DCHS2: variants seen among roughly 807,000 people sequenced by gnomAD.
DCHS2 encodes the protein protocadherin-23.
Under a neutral mutation model 182.4 loss-of-function variants are expected in DCHS2, and 142 were observed. The observed-to-expected ratio is 0.78, with a 90% CI of 0.68 to 0.89. The LOEUF is 0.89. Among genes scored for constraint, DCHS2 ranks in the 40% least tolerant of loss-of-function variants. DCHS2 has a pLI of 0.00. For synonymous variants in DCHS2, 1,740 were observed against 1,663.3 expected (o/e 1.05, Z -1.12); for missense variants, 4,319 against 4,198.6 (o/e 1.03, Z -0.79).
In DCHS2 at chr4:154,360,400, G is replaced by A. The variant is rs114339180; in HGVS notation, c.2476+5810C>T. 3.4e-3 allele frequency among the ~76,000 whole-genome samples: 520 copies of A among 152,158 alleles called. 4 individuals are homozygous for A. Among genetic ancestry groups the A allele is most frequent in the African/African-American group, 0.012 (493 of 41,534 alleles). ...TCTTTATAAGTCTGTGATCTGGTACGAGAAACCTAATGAAGAAATTCTCTA... is the reference window on the plus strand; with the variant it reads ...TCTTTATAAGTCTGTGATCTGGTACAAGAAACCTAATGAAGAAATTCTCTA... On this transcript the variant is annotated intron_variant, in intron 3 of 19. Transcript: ENST00000357232.
At chr4:154,429,192 A>G (rs1203934191) in intron 1 of DCHS2, among the ~76,000 whole-genome samples, 1 of 152,186 alleles carries the variant, frequency 6.6e-6, no homozygotes, top group African/African-American at 2.4e-5. Flanking sequence ...CTGGCATAGA[A>G]TGTGAGTGCC....
chr4:154,315,890 T>G lies in DCHS2; in HGVS notation c.5118A>C (p.Ser1706=), dbSNP rs1030943584. The change falls in exon 10 of 20, where the codon TCA becomes TCC. Residue 1706 remains serine, a synonymous_variant. Transcript: ENST00000357232. ...GAACAGTAACTGTCAAAGTCTGGGA[T>G]GAAGAAAGTGCTGGTGTGCCATCAT... The part of the protein sequence containing the change: ...ALDDGTPALS[S]SQTLTVTVLD... The G allele has an allele frequency of 4.3e-6, 7 of 1,613,884 alleles. No individual in the cohort carries two copies. Among genetic ancestry groups the G allele is most frequent in the South Asian group, 3.3e-5 (3 of 91,088 alleles).
rs1156292492 is a variant in DCHS2, at chr4:154,489,919, C to G, written c.1437G>C (p.Ala479=). The G allele has an allele frequency of 2.6e-6, 4 of 1,538,018 alleles. No individual in the cohort carries two copies. The highest frequency in any genetic ancestry group is 2.0e-5 in the Admixed American group (1 of 49,656). The change falls in exon 1 of 20, where the codon GCG becomes GCC. Residue 479 remains alanine, a synonymous_variant. Coordinates refer to ENST00000357232, the MANE Select transcript of DCHS2 (RefSeq NM_001358235.2). ...CCCCTGGGGGGCCGCCGGGTAGCAACGCGAAGTCTCCCTCTCCGCCTTCCA... is the reference window on the plus strand; with the variant it reads ...CCCCTGGGGGGCCGCCGGGTAGCAAGGCGAAGTCTCCCTCTCCGCCTTCCA... ...LSLEGGEGDF[A]LLPGGPPGVF... is the part of the protein sequence containing the mutation.
intron 2 of DCHS2, among the ~76,000 whole-genome samples, chr4:154,372,598 CA>C (rs1201639853): frequency 2.6e-5 from 4 of 151,278 alleles, no homozygotes; most frequent in African/African-American, 9.7e-5. Flanking sequence ...GCACATACAC[CA>C]AAAAAAATCT....
intron 1 of DCHS2, among the ~76,000 whole-genome samples, chr4:154,423,045 A>G (rs1382448912): frequency 6.6e-6 from 1 of 152,262 alleles, no homozygotes; most frequent in African/African-American, 2.4e-5. Flanking sequence ...CTCACATACC[A>G]TAAAATATAT....
Position 154,431,496 on chromosome 4 carries a change from T to G in DCHS2, c.2053-54052A>C, listed in dbSNP as rs191979425. On this transcript the variant is annotated intron_variant, in intron 1 of 19. Coordinates refer to ENST00000357232, the MANE Select transcript of DCHS2 (RefSeq NM_001358235.2). ...ATATTCCTAGTCATCTTCTTTTATA[T>G]TTTCTTATTCCTTATATTATTGTAT... Among the ~76,000 whole-genome samples, 211 of 152,300 alleles carry G rather than the reference T, an allele frequency of 1.4e-3. 1 individual carries two copies. The highest frequency in any genetic ancestry group is 4.8e-3 in the African/African-American group (198 of 41,582).
intron 1 of DCHS2, among the ~76,000 whole-genome samples, chr4:154,395,418 ACT>A (rs1731887655): frequency 6.6e-6 from 1 of 151,878 alleles, no homozygotes; most frequent in Non-Finnish European, 1.5e-5. Flanking sequence ...CATCTAGGAG[ACT>A]CTGGATTAAA....
In DCHS2 at chr4:154,236,857, GA is replaced by G. The variant is rs1221641743; in HGVS notation, c.7794del (p.His2599MetfsTer47). Reference protein sequence around the residue: ...SIISGNSQNNFHVETKFFHSE... With the variant: ...SIISGNSQNNXHVETKFFHSE... ...GAATGAAAGAACTTAGTTTCCACAT[GA>G]AAATTGTTCTGTGAATTACCACTGA... On this transcript the variant is annotated frameshift_variant, in exon 20 of 20. Transcript: ENST00000357232. LOFTEE classifies it low-confidence loss of function (END_TRUNC). The G allele has an allele frequency of 6.2e-7, 1 of 1,614,034 alleles. No individual in the cohort carries two copies. The highest frequency in any genetic ancestry group is 8.5e-7 in the Non-Finnish European group (1 of 1,179,948).
At chr4:154,397,778 C>A (rs1012720463) in intron 1 of DCHS2, among the ~76,000 whole-genome samples, 6 of 152,146 alleles carry the variant, frequency 3.9e-5, no homozygotes, top group African/African-American at 1.2e-4. Context: ...CAATGAATTC[C>A]GAAGGGCTCC....
intron 1 of DCHS2, among the ~76,000 whole-genome samples, chr4:154,397,118 C>T (rs754431590): frequency 2.6e-5 from 4 of 152,178 alleles, no homozygotes; most frequent in Non-Finnish European, 5.9e-5. Context: ...AAGCTAAGAG[C>T]AGAAAAGGAC....
chr4:154,404,940 C>T (rs7697696), intron 1 of DCHS2, among the ~76,000 whole-genome samples: 42,385 of 152,028 alleles, frequency 0.28, 7,586 homozygotes, highest in Non-Finnish European at 0.41. Context: ...CCCCAGAGTC[C>T]ACCCACTTTA....
intron 1 of DCHS2, among the ~76,000 whole-genome samples, chr4:154,479,463 T>A (rs568404324): frequency 1.2e-4 from 19 of 152,052 alleles, no homozygotes; most frequent in South Asian, 6.2e-4. Flanking sequence ...TTTCTCATTT[T>A]AAAAAAAAGT....
intron 7 of DCHS2, among the ~76,000 whole-genome samples, chr4:154,324,934 G>A (rs943821874): frequency 2.6e-5 from 4 of 151,844 alleles, no homozygotes; most frequent in Non-Finnish European, 5.9e-5. Flanking sequence ...CATATATTTT[G>A]TAGTTGCTTC....
At chr4:154,408,705 G>A (rs924173228) in intron 1 of DCHS2, among the ~76,000 whole-genome samples, 3 of 152,166 alleles carry the variant, frequency 2.0e-5, no homozygotes, top group African/African-American at 7.2e-5. Flanking sequence ...ACCCTGTGGA[G>A]CACAGTAACC....
intron 17 of DCHS2, among the ~76,000 whole-genome samples, chr4:154,242,097 G>A (rs1011465738): frequency 6.6e-6 from 1 of 152,136 alleles, no homozygotes; most frequent in African/African-American, 2.4e-5. Flanking sequence ...GAGGACCATT[G>A]TATAACCCAC....
At chr4:154,450,928 A>G (rs1560766513) in intron 1 of DCHS2, among the ~76,000 whole-genome samples, 1 of 152,154 alleles carries the variant, frequency 6.6e-6, no homozygotes, top group Non-Finnish European at 1.5e-5. Flanking sequence ...CTAAGGTGAA[A>G]GATAATTTGT....
intron 14 of DCHS2, chr4:154,269,303 T>G (rs1054864535): frequency 6.6e-6 from 1 of 152,330 alleles, no homozygotes; most frequent in Non-Finnish European, 1.5e-5. Context: ...CTTCTTGAAG[T>G]TTGACAACAA....
intron 1 of DCHS2, among the ~76,000 whole-genome samples, chr4:154,446,437 G>T (rs1451984806): frequency 6.6e-6 from 1 of 152,192 alleles, no homozygotes; most frequent in Admixed American, 6.5e-5. Context: ...TTCACTGACA[G>T]ACAGATTATA....
chr4:154,475,207 T>G (rs1022650004), intron 1 of DCHS2, among the ~76,000 whole-genome samples: 1 of 152,180 alleles, frequency 6.6e-6, no homozygotes, highest in Admixed American at 6.5e-5. Flanking sequence ...ACTTATATAT[T>G]TACTCTAAAT....
Sources: gnomAD v4.1 joint callset for allele counts (sites outside exome capture counted in the v4.1 genomes callset) on GRCh38, gnomAD v4.1.1 for gene constraint, MANE v1.5 for transcripts, NCBI Gene and HGNC (gene_info 2026-07-23, HGNC 2026-07-21) for gene names.